The following KIAA1217 variants were observed in gnomAD, a reference collection of about 807,000 sequenced individuals.
The protein encoded by KIAA1217 is KIAA1217, also known as sickle tail protein homolog.
A neutral mutation model predicts 163.9 loss-of-function variants in KIAA1217; 88 were observed. The ratio of observed to expected loss-of-function variants is 0.54; its 90% CI spans 0.45 to 0.64. KIAA1217 has a LOEUF of 0.64. KIAA1217 is among the 30% of genes least tolerant of loss of function. The probability of loss-of-function intolerance (pLI) is 0.00; values close to 1 mark genes in which losing one functional copy is unlikely to be tolerated. For synonymous variants in KIAA1217, 903 were observed against 923.1 expected, an observed-to-expected ratio of 0.98 and a Z score of 0.39; for missense variants, 2,372 against 2,475.0, an observed-to-expected ratio of 0.96 and a Z score of 0.88.
chr10:24,283,333 T>C (rs986962869), intron 2 of KIAA1217, among the ~76,000 whole-genome samples: 1 of 152,214 alleles, frequency 6.6e-6, no homozygotes, highest in Non-Finnish European at 1.5e-5. Flanking sequence ...GATTCGTCCA[T>C]GTCTTTTTGT....
At chr10:23,978,969 A>C (rs1256555128) in intron 1 of KIAA1217, among the ~76,000 whole-genome samples, 1 of 152,072 alleles carries the variant, frequency 6.6e-6, no homozygotes, top group Non-Finnish European at 1.5e-5. Context: ...TCCTACTTGC[A>C]TGTCACCTGG....
intron 2 of KIAA1217, among the ~76,000 whole-genome samples, chr10:24,046,991 T>C (rs1334623172): frequency 6.6e-6 from 1 of 152,238 alleles, no homozygotes; most frequent in Admixed American, 6.5e-5. Context: ...CAATTCAGAA[T>C]AAGCTCTTCT....
At chr10:24,046,744 G>C (rs1229264304) in intron 2 of KIAA1217, among the ~76,000 whole-genome samples, 1 of 152,154 alleles carries the variant, frequency 6.6e-6, no homozygotes, top group South Asian at 2.1e-4. Flanking sequence ...TGGCAACATA[G>C]AGCCAAACCA....
chr10:23,889,918 G>C (rs1321782185), intron 1 of KIAA1217, among the ~76,000 whole-genome samples: 1 of 151,648 alleles, frequency 6.6e-6, no homozygotes, highest in Non-Finnish European at 1.5e-5. Context: ...CTTGTTCTCT[G>C]TAAACAGAAG....
chr10:23,790,588 C>T (rs1313516889), intron 1 of KIAA1217, among the ~76,000 whole-genome samples: 1 of 118,036 alleles, frequency 8.5e-6, no homozygotes. Context: ...TGTATATGTA[C>T]ATATATACAT....
intron 1 of KIAA1217, among the ~76,000 whole-genome samples, chr10:24,215,175 T>C (rs2130762853): frequency 6.6e-6 from 1 of 152,318 alleles, no homozygotes; most frequent in South Asian, 2.1e-4. Context: ...GCCTGCCTTG[T>C]CCTCACTTCT....
chr10:24,020,940 A>T (rs1444660180), intron 2 of KIAA1217, among the ~76,000 whole-genome samples: 2 of 152,044 alleles, frequency 1.3e-5, no homozygotes, highest in Non-Finnish European at 2.9e-5. Context: ...GGAACAAAGT[A>T]TGAAAAGAAA....
intron 6 of KIAA1217, among the ~76,000 whole-genome samples, chr10:24,474,845 T>G (rs914987617): frequency 6.6e-6 from 1 of 152,218 alleles, no homozygotes; most frequent in African/African-American, 2.4e-5. Context: ...ATCATAAAAA[T>G]CTAGCCAAAG....
chr10:23,976,083 G>C (rs1342889485), intron 1 of KIAA1217, among the ~76,000 whole-genome samples: 2 of 152,240 alleles, frequency 1.3e-5, no homozygotes, highest in Middle Eastern at 6.8e-3. Flanking sequence ...GGACCCCACA[G>C]AGCAACAGAT....
rs572735415 is a variant in KIAA1217, at chr10:24,175,866, G to C, written c.-170-43760G>C. ...TCCCAGTGGGTTCATTGTCTCACTG[G>C]CCTCAGGAGTGAAACTGCAGACCTC... On this transcript the variant is annotated intron_variant, in intron 2 of 18. Transcript: ENST00000376462. 5.3e-5 allele frequency among the ~76,000 whole-genome samples: 8 copies of C among 152,146 alleles called. 1 individual carries two copies. The East Asian group carries it at 1.5e-3, about 29-fold the overall frequency.
At chr10:23,854,645 G>A (rs1464048751) in intron 1 of KIAA1217, among the ~76,000 whole-genome samples, 2 of 152,184 alleles carry the variant, frequency 1.3e-5, no homozygotes, top group African/African-American at 4.8e-5. Context: ...TCGTGTGGGA[G>A]TCTAAGTCTC....
At chr10:23,898,250 A>C (rs777170396) in intron 1 of KIAA1217, among the ~76,000 whole-genome samples, 1 of 151,886 alleles carries the variant, frequency 6.6e-6, no homozygotes, top group Non-Finnish European at 1.5e-5. Flanking sequence ...TCTGATATTC[A>C]GACCACAAAA....
At chr10:24,352,429 A>G (rs1300624463) in intron 2 of KIAA1217, among the ~76,000 whole-genome samples, 1 of 152,242 alleles carries the variant, frequency 6.6e-6, no homozygotes, top group African/African-American at 2.4e-5. Flanking sequence ...TGCCATTCTC[A>G]TAAATGGGCT....
At chr10:24,174,545 C>T (rs1459772466) in intron 2 of KIAA1217, among the ~76,000 whole-genome samples, 2 of 152,198 alleles carry the variant, frequency 1.3e-5, no homozygotes, top group African/African-American at 4.8e-5. Flanking sequence ...AGGATCCCCA[C>T]CTAGAGGCTT....
chr10:24,321,355 AT>A (rs1177186644), intron 2 of KIAA1217, among the ~76,000 whole-genome samples: 1 of 152,070 alleles, frequency 6.6e-6, no homozygotes, highest in Non-Finnish European at 1.5e-5. Flanking sequence ...CCTGACCAAC[AT>A]ACCAAAACCC....
intron 1 of KIAA1217, among the ~76,000 whole-genome samples, chr10:23,857,056 A>T (rs1839720260): frequency 6.6e-6 from 1 of 152,216 alleles, no homozygotes; most frequent in Non-Finnish European, 1.5e-5. Flanking sequence ...TAGTGAGATG[A>T]ACCCGGTACC....
chr10:23,966,250 T>C (rs373301216), intron 1 of KIAA1217, among the ~76,000 whole-genome samples: 2 of 152,328 alleles, frequency 1.3e-5, no homozygotes, highest in African/African-American at 2.4e-5. Flanking sequence ...CTGTGGGCAC[T>C]ACCTTTGGAG....
At chr10:24,066,910 T>C (rs1475056263) in intron 2 of KIAA1217, among the ~76,000 whole-genome samples, 1 of 152,220 alleles carries the variant, frequency 6.6e-6, no homozygotes, top group Non-Finnish European at 1.5e-5. Context: ...CCATCACTGA[T>C]ACCCTTTCTT....
intron 2 of KIAA1217, among the ~76,000 whole-genome samples, chr10:24,130,400 A>G (rs1346715460): frequency 1.3e-5 from 2 of 152,228 alleles, no homozygotes; most frequent in African/African-American, 2.4e-5. Context: ...GAACCAGATT[A>G]TAGGCTATTT....
Sources: allele counts gnomAD v4.1 joint callset (sites outside exome capture counted in the v4.1 genomes callset), GRCh38; gene constraint gnomAD v4.1.1; transcripts MANE v1.5; gene names NCBI Gene and HGNC (gene_info 2026-07-23, HGNC 2026-07-21).